The following PLCG2 variants were observed in gnomAD, a reference collection of about 807,000 sequenced individuals.
PLCG2 encodes 1-phosphatidylinositol 4,5-bisphosphate phosphodiesterase gamma-2.
PLCG2 carries 69 observed loss-of-function variants against 175.6 expected under a neutral mutation model. That is an observed-to-expected ratio of 0.39 (90% CI 0.32 to 0.48). The LOEUF (loss-of-function observed/expected upper bound fraction) is 0.48, where lower values mean the gene tolerates loss of function less well. Ranked by LOEUF, PLCG2 falls within the 20% of genes least tolerant of loss-of-function variation. PLCG2 has a pLI of 0.91. For missense variants in PLCG2, 1,798 were observed against 1,650.9 expected (o/e 1.09, Z -1.54); for synonymous variants, 827 against 624.0 (o/e 1.33, Z -4.85).
At chr16:81,808,158 G>A (rs1232702662) in intron 2 of PLCG2, among the ~76,000 whole-genome samples, 7 of 152,210 alleles carry the variant, frequency 4.6e-5, no homozygotes, top group Non-Finnish European at 8.8e-5. Flanking sequence ...GTACACCTAG[G>A]AGTGGAATTG....
chr16:81,939,518 C>A (rs1910851887), intron 29 of PLCG2, among the ~76,000 whole-genome samples: 1 of 152,208 alleles, frequency 6.6e-6, no homozygotes, highest in Admixed American at 6.5e-5. Context: ...CTCTCCCCTG[C>A]CAGCTGTAGA....
intron 3 of PLCG2, among the ~76,000 whole-genome samples, chr16:81,856,580 T>C (rs1256100618): frequency 1.3e-5 from 2 of 152,210 alleles, no homozygotes; most frequent in Non-Finnish European, 2.9e-5. Flanking sequence ...CTTAGGGTTG[T>C]GGTGCAGATT....
chr16:81,764,368 C>T (rs954267166), intron 2 of PLCG2, among the ~76,000 whole-genome samples: 2 of 152,094 alleles, frequency 1.3e-5, no homozygotes, highest in African/African-American at 4.8e-5. Flanking sequence ...GAAAGGAAAC[C>T]TGGACCCCAT....
chr16:81,846,457 A>G (rs934966293), intron 2 of PLCG2, among the ~76,000 whole-genome samples: 9 of 152,232 alleles, frequency 5.9e-5, no homozygotes, highest in African/African-American at 2.2e-4. Flanking sequence ...GAACCAACCT[A>G]TGATAACATG....
At chr16:81,944,033 G>C (rs1340354926) in intron 30 of PLCG2, among the ~76,000 whole-genome samples, 1 of 152,226 alleles carries the variant, frequency 6.6e-6, no homozygotes, top group East Asian at 1.9e-4. Context: ...ACGGAATTCA[G>C]TAAGATGATG....
intron 32 of PLCG2, among the ~76,000 whole-genome samples, chr16:81,957,482 A>G (rs1911620509): frequency 6.6e-6 from 1 of 152,094 alleles, no homozygotes; most frequent in African/African-American, 2.4e-5. Context: ...ACTTTTAAGG[A>G]GTACTTATTG....
At chr16:81,851,826 G>A (rs532975538) in intron 2 of PLCG2, among the ~76,000 whole-genome samples, 38 of 152,260 alleles carry the variant, frequency 2.5e-4, no homozygotes, top group African/African-American at 8.7e-4. Context: ...TTTTCACATG[G>A]CTTTTGCCCA....
rs539825462 is a variant in PLCG2 at position 81,847,535 on chromosome 16, T to C, written c.194-6909T>C. On this transcript the variant is annotated intron_variant, in intron 2 of 32. Transcript: ENST00000564138. ...AGGAGCCCCCAGCCCTACAAAAAGA[T>C]ACTTATCACTGCAGATTCCAAGGGT... Among the ~76,000 whole-genome samples, 6 of 152,180 alleles carry C rather than the reference T, an allele frequency of 3.9e-5. No individual in the cohort carries two copies. The South Asian group carries it at 8.3e-4, about 21-fold the overall frequency.
At chr16:81,869,863 C>T (rs887575497) in intron 6 of PLCG2, among the ~76,000 whole-genome samples, 1 of 152,038 alleles carries the variant, frequency 6.6e-6, no homozygotes, top group African/African-American at 2.4e-5. Context: ...GCAGGTGAGG[C>T]AAGGATGGAG....
At chr16:81,802,134 G>A (rs574911179) in intron 2 of PLCG2, among the ~76,000 whole-genome samples, 2 of 21,460 alleles carry the variant, frequency 9.3e-5, no homozygotes, top group African/African-American at 2.8e-4. Flanking sequence ...TTTTTTTTGA[G>A]ACGGATCTCG....
At chr16:81,908,664 C>G in intron 17 of PLCG2, 73 bp downstream of exon 17, 2 of 1,352,226 alleles carry the variant, frequency 1.5e-6, no homozygotes, top group Non-Finnish European at 2.0e-6. Context: ...GCGAGTGGTT[C>G]TAGCTCAGGC....
At chr16:81,928,514 A>G in intron 23 of PLCG2, 44 bp from the exon 24 acceptor site, 1 of 1,245,170 alleles carries the variant, frequency 8.0e-7, no homozygotes, top group Non-Finnish European at 1.2e-6. Flanking sequence ...TCTTTTTATT[A>G]TTCCCGTTAC....
At chr16:81,833,650 C>T (rs1184913710) in intron 2 of PLCG2, among the ~76,000 whole-genome samples, 1 of 151,940 alleles carries the variant, frequency 6.6e-6, no homozygotes, top group Non-Finnish European at 1.5e-5. Context: ...CTACCTCATC[C>T]TCCTGAGTAG....
chr16:81,778,045 A>AACAAACAAACAAAC (rs746647458), upstream of PLCG2, among the ~76,000 whole-genome samples: 15,726 of 75,494 alleles, frequency 0.21, 2,583 homozygotes, highest in South Asian at 0.32. Context: ...AAAAAAAACA[A>AACAAACAAACAAAC]AAAAAAAAAC....
chr16:81,934,419 C>T lies in PLCG2; in HGVS notation c.2740-10C>T, dbSNP rs762291149. ...GGGGGCGGGCACTAAAGACAGTGAA[C>T]TCCAAACAGGAGAACAACATGAAGT... On this transcript the variant is annotated splice_polypyrimidine_tract_variant and intron_variant, in intron 25 of 32. Coordinates refer to ENST00000564138, the MANE Select transcript of PLCG2 (RefSeq NM_002661.5). The T allele has an allele frequency of 3.2e-6, 5 of 1,585,820 alleles. No homozygotes were observed. Among genetic ancestry groups the T allele is most frequent in the Middle Eastern group, 1.7e-4 (1 of 6,002 alleles).
intron 3 of PLCG2, among the ~76,000 whole-genome samples, chr16:81,855,575 G>A (rs1906642486): frequency 6.6e-6 from 1 of 152,244 alleles, no homozygotes; most frequent in Admixed American, 6.5e-5. Context: ...GTACATGCCA[G>A]TGAGCTAGGA....
chr16:81,882,001 C>G (rs1321013889), intron 8 of PLCG2, among the ~76,000 whole-genome samples: 1 of 152,166 alleles, frequency 6.6e-6, no homozygotes, highest in Non-Finnish European at 1.5e-5. Flanking sequence ...GACTGTGAGG[C>G]TGGTGGGGAA....
intron 2 of PLCG2, among the ~76,000 whole-genome samples, chr16:81,828,260 T>TGG: frequency 2.9e-5 from 4 of 138,314 alleles, no homozygotes; most frequent in Non-Finnish European, 4.7e-5. Flanking sequence ...TTTTTTTTTT[T>TGG]TTTGAGACAG....
At chr16:81,747,252 G>A (rs1909723653) in intron 1 of PLCG2, among the ~76,000 whole-genome samples, 1 of 152,126 alleles carries the variant, frequency 6.6e-6, no homozygotes, top group African/African-American at 2.4e-5. Flanking sequence ...AATATTAATG[G>A]GACTGGGCGC....
Sources: allele counts gnomAD v4.1 joint callset (sites outside exome capture counted in the v4.1 genomes callset), GRCh38; gene constraint gnomAD v4.1.1; transcripts MANE v1.5; gene names NCBI Gene and HGNC (gene_info 2026-07-23, HGNC 2026-07-21).